Variants in SLC9A9 observed in about 807,000 individuals in gnomAD.
SLC9A9 encodes the protein solute carrier family 9 member A9, also known as sodium/hydrogen exchanger 9.
Under a neutral mutation model 77.8 loss-of-function variants are expected in SLC9A9, and 62 were observed. That is an observed-to-expected ratio of 0.80 (90% CI 0.65 to 0.98). The LOEUF (loss-of-function observed/expected upper bound fraction) is 0.98, where lower values mean the gene tolerates loss of function less well. Ranked by LOEUF, SLC9A9 falls within the 50% of genes least tolerant of loss-of-function variation. The pLI is 0.00. For synonymous variants in SLC9A9, 320 were observed against 283.5 expected, an observed-to-expected ratio of 1.13 and a Z score of -1.29; for missense variants, 775 against 774.9, an observed-to-expected ratio of 1.00 and a Z score of 0.00.
intron 13 of SLC9A9, among the ~76,000 whole-genome samples, chr3:143,371,272 G>A (rs531766317): frequency 2.6e-5 from 4 of 152,220 alleles, no homozygotes; most frequent in Non-Finnish European, 4.4e-5. Flanking sequence ...CTATTCTATT[G>A]AGACCTCAGA....
chr3:143,595,495 A>G (rs2037737972), intron 6 of SLC9A9, among the ~76,000 whole-genome samples: 1 of 152,196 alleles, frequency 6.6e-6, no homozygotes, highest in African/African-American at 2.4e-5. Flanking sequence ...TTAAACCAAT[A>G]CATCCTTCAA....
rs530217109 is a variant in SLC9A9 at position 143,382,610 on chromosome 3, G to T, written c.1470-496C>A. Reference sequence around the variant, plus strand: ...AGCCTGAGGCATATACAATTTGGGGGCTCTCTCTTTAAGGAAAATAATACA... The same window carrying T: ...AGCCTGAGGCATATACAATTTGGGGTCTCTCTCTTTAAGGAAAATAATACA... On this transcript the variant is annotated intron_variant, in intron 12 of 15. Coordinates refer to ENST00000316549, the MANE Select transcript of SLC9A9 (RefSeq NM_173653.4). Among the ~76,000 whole-genome samples the T allele has an allele frequency of 5.9e-5, 9 of 152,220 alleles. No individual in the cohort carries two copies. In the South Asian group the frequency reaches 1.7e-3, roughly 28 times the overall value.
intron 4 of SLC9A9, among the ~76,000 whole-genome samples, chr3:143,746,966 G>T (rs1324491858): frequency 6.6e-6 from 1 of 151,912 alleles, no homozygotes; most frequent in Non-Finnish European, 1.5e-5. Flanking sequence ...CTTCAAACGC[G>T]ACATATTTTT....
At chr3:143,846,272 G>A (rs866228469) in intron 1 of SLC9A9, among the ~76,000 whole-genome samples, 20 of 152,160 alleles carry the variant, frequency 1.3e-4, no homozygotes, top group African/African-American at 4.8e-4. Flanking sequence ...TCTAATAAAG[G>A]TTGGCAATCT....
chr3:143,639,467 G>C (rs1193335743), intron 6 of SLC9A9, among the ~76,000 whole-genome samples: 1 of 152,154 alleles, frequency 6.6e-6, no homozygotes, highest in East Asian at 1.9e-4. Flanking sequence ...AAGGACATTA[G>C]AGACAAATGA....
At chr3:143,799,467 C>G (rs2008488755) in intron 2 of SLC9A9, among the ~76,000 whole-genome samples, 2 of 152,178 alleles carry the variant, frequency 1.3e-5, no homozygotes, top group African/African-American at 4.8e-5. Flanking sequence ...GAGACAAACC[C>G]CAGCCACATT....
chr3:143,775,068 A>T (rs2007646725), intron 4 of SLC9A9, among the ~76,000 whole-genome samples: 2 of 152,240 alleles, frequency 1.3e-5, no homozygotes, highest in Admixed American at 6.5e-5. Flanking sequence ...AGAGAACCGT[A>T]CCTGCTGAGA....
At chr3:143,436,838 C>G (rs537443312) in intron 12 of SLC9A9, among the ~76,000 whole-genome samples, 2 of 152,326 alleles carry the variant, frequency 1.3e-5, no homozygotes, top group African/African-American at 4.8e-5. Context: ...CACTGCCACT[C>G]TGCCTAGGTG....
intron 14 of SLC9A9, among the ~76,000 whole-genome samples, chr3:143,293,222 G>A (rs974347976): frequency 6.6e-6 from 1 of 152,174 alleles, no homozygotes; most frequent in Non-Finnish European, 1.5e-5. Flanking sequence ...CCTGCCAGGG[G>A]AGCTGCCCCG....
Position 143,446,482 on chromosome 3 carries a change from C to T in SLC9A9, c.1469+20555G>A, listed in dbSNP as rs72997840. On this transcript the variant is annotated intron_variant, in intron 12 of 15. Transcript: ENST00000316549. The stretch of plus-strand genomic sequence containing the variant: ...GGAAGGTAAATGGGTTAGGGCACTT[C>T]GGGATGATTGATGAGCAGCTCCTAA... Among the ~76,000 whole-genome samples, 1,025 of 152,158 alleles carry T rather than the reference C, an allele frequency of 6.7e-3. 12 individuals carry two copies. The highest frequency in any genetic ancestry group is 0.024 in the African/African-American group (978 of 41,502).
At chr3:143,582,596 T>C (rs1022090192) in intron 6 of SLC9A9, among the ~76,000 whole-genome samples, 2 of 152,042 alleles carry the variant, frequency 1.3e-5, no homozygotes, top group African/African-American at 4.8e-5. Flanking sequence ...CAACAGGGTG[T>C]CCAGGAAGGA....
intron 8 of SLC9A9, among the ~76,000 whole-genome samples, chr3:143,554,928 C>T (rs569309688): frequency 1.3e-5 from 2 of 152,320 alleles, no homozygotes; most frequent in African/African-American, 2.4e-5. Context: ...TGTTCAGTCT[C>T]ATCATTCTCT....
chr3:143,633,507 G>A (rs1318140432), intron 6 of SLC9A9, among the ~76,000 whole-genome samples: 1 of 151,986 alleles, frequency 6.6e-6, no homozygotes, highest in Non-Finnish European at 1.5e-5. Context: ...GCCATTGTTT[G>A]TATGTAGCAC....
chr3:143,727,919 CTATA>C (rs779032503), intron 4 of SLC9A9, among the ~76,000 whole-genome samples: 3 of 152,188 alleles, frequency 2.0e-5, no homozygotes, highest in Non-Finnish European at 4.4e-5. Flanking sequence ...GTGCCAGACG[CTATA>C]TAGAGTAGCT....
chr3:143,578,867 G>A (rs770588690), intron 6 of SLC9A9, 144 bp from the exon 7 acceptor site: 42 of 959,186 alleles, frequency 4.4e-5, no homozygotes, highest in Non-Finnish European at 6.0e-5. Context: ...GATACAGAAG[G>A]GGAGAGTTGG....
intron 12 of SLC9A9, among the ~76,000 whole-genome samples, chr3:143,414,030 G>A (rs1234824209): frequency 6.6e-6 from 1 of 152,248 alleles, no homozygotes; most frequent in East Asian, 1.9e-4. Context: ...CTTGAAAAAT[G>A]TGCTGAAAAT....
chr3:143,412,890 G>T (rs1321163008), intron 12 of SLC9A9, among the ~76,000 whole-genome samples: 1 of 152,118 alleles, frequency 6.6e-6, no homozygotes, highest in African/African-American at 2.4e-5. Flanking sequence ...AATTGACAAT[G>T]GCAAGCAGTT....
intron 9 of SLC9A9, among the ~76,000 whole-genome samples, chr3:143,529,643 CTCAGTAACCCATCAATGA>C (rs1347703901): frequency 6.6e-6 from 1 of 152,150 alleles, no homozygotes; most frequent in African/African-American, 2.4e-5. Context: ...ATTCCAAGGA[CTCAGTAACCCATCAATGA>C]TTACTGGCTT....
At chr3:143,468,967 C>G (rs2035331852) in intron 11 of SLC9A9, among the ~76,000 whole-genome samples, 1 of 152,170 alleles carries the variant, frequency 6.6e-6, no homozygotes. Context: ...TGAGACCAGC[C>G]TGGCCAACAT....
Sources: gnomAD v4.1 joint callset for allele counts (sites outside exome capture counted in the v4.1 genomes callset) on GRCh38, gnomAD v4.1.1 for gene constraint, MANE v1.5 for transcripts, NCBI Gene and HGNC (gene_info 2026-07-23, HGNC 2026-07-21) for gene names.